The following AGBL4 variants were observed in gnomAD, a reference collection of about 807,000 sequenced individuals.
The protein encoded by AGBL4 is AGBL carboxypeptidase 4.
In AGBL4, 58 loss-of-function variants were observed where a neutral mutation model predicts 66.4. The ratio of observed to expected loss-of-function variants is 0.87; its 90% confidence interval spans 0.71 to 1.09. The LOEUF is 1.09. AGBL4 is among the 50% of genes least tolerant of loss of function. AGBL4 has a pLI of 0.00. For missense variants in AGBL4, 579 were observed against 631.0 expected (o/e 0.92, Z 0.88); for synonymous variants, 234 against 222.9 (o/e 1.05, Z -0.44).
intron 1 of AGBL4, chr1:49,995,190 C>A: frequency 2.2e-6 from 1 of 456,146 alleles, no homozygotes; most frequent in Non-Finnish European, 4.4e-6. Context: ...GAAACTGGGG[C>A]AGGTGGGGAG....
At chr1:50,012,839 T>C (rs1423224735) in intron 1 of AGBL4, among the ~76,000 whole-genome samples, 4 of 152,162 alleles carry the variant, frequency 2.6e-5, no homozygotes, top group African/African-American at 9.7e-5. Flanking sequence ...CAGGATCACA[T>C]GTAAAATTTT....
chr1:49,440,498 T>C (rs1646003508), intron 3 of AGBL4, among the ~76,000 whole-genome samples: 1 of 152,330 alleles, frequency 6.6e-6, no homozygotes, highest in Non-Finnish European at 1.5e-5. Flanking sequence ...TTAGTGACTC[T>C]ATACATAATA....
chr1:48,923,098 A>AT (rs1428069493), intron 5 of AGBL4, among the ~76,000 whole-genome samples: 1 of 149,948 alleles, frequency 6.7e-6, no homozygotes, highest in Non-Finnish European at 1.5e-5. Context: ...AATTAAAAAA[A>AT]ATATATAAAA....
chr1:49,838,816 A>C (rs1223607312), intron 2 of AGBL4, among the ~76,000 whole-genome samples: 1 of 152,182 alleles, frequency 6.6e-6, no homozygotes. Flanking sequence ...CACATACTAT[A>C]ATCATTCTAG....
At chr1:49,554,872 G>A (rs1029845404) in intron 3 of AGBL4, among the ~76,000 whole-genome samples, 5 of 151,972 alleles carry the variant, frequency 3.3e-5, no homozygotes, top group Admixed American at 1.3e-4. Flanking sequence ...AAGGCGGCGC[G>A]TCTGGAGTTG....
chr1:49,168,920 C>T (rs1166966633), intron 4 of AGBL4, among the ~76,000 whole-genome samples: 1 of 152,116 alleles, frequency 6.6e-6, no homozygotes, highest in African/African-American at 2.4e-5. Flanking sequence ...GGTGGCACAA[C>T]CTAATGTATG....
intron 6 of AGBL4, among the ~76,000 whole-genome samples, chr1:48,677,146 G>A (rs1646378763): frequency 6.6e-6 from 1 of 152,176 alleles, no homozygotes; most frequent in African/African-American, 2.4e-5. Flanking sequence ...CAACAGGCAA[G>A]GGTGTGGGGT....
At chr1:49,245,175 C>G (rs1214343348) in intron 4 of AGBL4, among the ~76,000 whole-genome samples, 1 of 150,218 alleles carries the variant, frequency 6.7e-6, no homozygotes, top group Non-Finnish European at 1.5e-5. Context: ...ATTATTATTA[C>G]CATCATTATT....
chr1:49,888,826 G>C (rs550382907), intron 1 of AGBL4, among the ~76,000 whole-genome samples: 39 of 152,276 alleles, frequency 2.6e-4, no homozygotes, highest in African/African-American at 8.9e-4. Flanking sequence ...CATCTTCCTT[G>C]AATAGGAAGT....
At chr1:48,981,625 G>A (rs751621698) in intron 5 of AGBL4, among the ~76,000 whole-genome samples, 2 of 152,106 alleles carry the variant, frequency 1.3e-5, no homozygotes, top group Non-Finnish European at 2.9e-5. Context: ...TGGCTCATGC[G>A]TGTAATCACA....
intron 4 of AGBL4, among the ~76,000 whole-genome samples, chr1:49,126,144 G>A (rs1212659823): frequency 1.3e-5 from 2 of 152,210 alleles, no homozygotes; most frequent in East Asian, 3.9e-4. Context: ...GATGCTGCTA[G>A]GATAGGGCTT....
intron 3 of AGBL4, among the ~76,000 whole-genome samples, chr1:49,495,346 T>A (rs1289185492): frequency 3.3e-5 from 5 of 152,050 alleles, no homozygotes; most frequent in African/African-American, 1.2e-4. Flanking sequence ...TCTTAAAACA[T>A]TATGAGTTTT....
intron 11 of AGBL4, among the ~76,000 whole-genome samples, chr1:48,566,032 C>T (rs1644471471): frequency 6.6e-6 from 1 of 152,202 alleles, no homozygotes; most frequent in Non-Finnish European, 1.5e-5. Context: ...CCATCCACTC[C>T]TGTTAATACA....
chr1:48,824,048 A>G (rs936058304), intron 6 of AGBL4, among the ~76,000 whole-genome samples: 53 of 152,216 alleles, frequency 3.5e-4, no homozygotes, highest in African/African-American at 1.2e-3. Flanking sequence ...TAAGACTGTG[A>G]GCCCTCCAAG....
intron 4 of AGBL4, among the ~76,000 whole-genome samples, chr1:49,172,882 G>A (rs556937831): frequency 2.5e-4 from 38 of 152,212 alleles, no homozygotes; most frequent in African/African-American, 4.8e-4. Context: ...TCCCAGCACC[G>A]TGGGAGGCTG....
intron 6 of AGBL4, among the ~76,000 whole-genome samples, chr1:48,664,951 T>A (rs1646162445): frequency 6.6e-6 from 1 of 151,974 alleles, no homozygotes; most frequent in Non-Finnish European, 1.5e-5. Flanking sequence ...ATAGAAATAA[T>A]TAATAGGATT....
At position 48,683,212 on chromosome 1, in the gene AGBL4, G is replaced by A. The variant is rs1055490545; in HGVS notation, c.635-19971C>T. 7.2e-5 allele frequency among the ~76,000 whole-genome samples: 11 copies of A among 152,154 alleles called. No homozygotes were observed. The East Asian group carries it at 7.7e-4, about 11-fold the overall frequency. The stretch of plus-strand genomic sequence containing the variant: ...TCCACCAAGTCCCAGGTGGTTCTGC[G>A]GACTTGTCCAACTCAAGAAGTTTTC... On this transcript the variant is annotated intron_variant, in intron 6 of 13. Transcript: ENST00000371839.
chr1:49,999,334 CA>C (rs58760048), intron 1 of AGBL4, among the ~76,000 whole-genome samples: 110,525 of 134,494 alleles, frequency 0.82, 45,306 homozygotes, highest in Admixed American at 0.88. Context: ...ACTACCACTG[CA>C]AAAAAAAAAA....
At chr1:49,418,094 A>G (rs1645467543) in intron 3 of AGBL4, among the ~76,000 whole-genome samples, 1 of 152,168 alleles carries the variant, frequency 6.6e-6, no homozygotes. Flanking sequence ...TTAGCTTTCT[A>G]GTCTAGCTAA....
Sources: gnomAD v4.1 joint callset for allele counts (sites outside exome capture counted in the v4.1 genomes callset) on GRCh38, gnomAD v4.1.1 for gene constraint, MANE v1.5 for transcripts, NCBI Gene and HGNC (gene_info 2026-07-23, HGNC 2026-07-21) for gene names.